Variants in POU6F2 observed in about 807,000 individuals in gnomAD.
The protein encoded by POU6F2 is POU domain, class 6, transcription factor 2.
POU6F2 carries 31 observed loss-of-function variants against 71.3 expected under a neutral mutation model. The observed-to-expected ratio is 0.43, with a 90% CI of 0.33 to 0.59. The LOEUF (loss-of-function observed/expected upper bound fraction) is 0.59. POU6F2 is among the 20% of genes least tolerant of loss of function. The probability of loss-of-function intolerance (pLI) is 0.04; values close to 1 mark genes in which losing one functional copy is unlikely to be tolerated. For missense variants in POU6F2, 783 were observed against 856.8 expected (o/e 0.91, Z 1.07); for synonymous variants, 347 against 355.7 (o/e 0.98, Z 0.27).
intron 5 of POU6F2, among the ~76,000 whole-genome samples, chr7:39,362,298 G>C (rs566288671): frequency 6.9e-6 from 1 of 145,558 alleles, no homozygotes; most frequent in East Asian, 2.0e-4. Context: ...AAAAAAAAAA[G>C]TGGGGAGGGG....
intron 5 of POU6F2, among the ~76,000 whole-genome samples, chr7:39,363,359 G>A (rs1448017245): frequency 6.6e-6 from 1 of 151,084 alleles, no homozygotes; most frequent in Admixed American, 6.6e-5. Context: ...GAGAAGAGAA[G>A]GTTTGTGCAC....
Position 39,257,590 on chromosome 7 carries a change from T to G in POU6F2, c.598+49970T>G, listed in dbSNP as rs540196994. On this transcript the variant is annotated intron_variant, in intron 4 of 9. Transcript: ENST00000518318. ...GTCAAAGGCACAAACTCGTGCTCCATATGTACCCACCCTGCTTTGTGAAGA... is the reference window on the plus strand; with the variant it reads ...GTCAAAGGCACAAACTCGTGCTCCAGATGTACCCACCCTGCTTTGTGAAGA... 5.9e-5 allele frequency among the ~76,000 whole-genome samples: 9 copies of G among 152,218 alleles called. 1 individual carries two copies. The South Asian group carries it at 1.2e-3, about 21-fold the overall frequency.
At chr7:39,232,489 G>A (rs1231779154) in intron 4 of POU6F2, among the ~76,000 whole-genome samples, 1 of 152,156 alleles carries the variant, frequency 6.6e-6, no homozygotes, top group African/African-American at 2.4e-5. Context: ...ATCACTCATG[G>A]TCACTAGGTT....
chr7:39,279,769 T>G (rs1016316350), intron 4 of POU6F2, among the ~76,000 whole-genome samples: 1 of 150,382 alleles, frequency 6.6e-6, no homozygotes, highest in African/African-American at 2.4e-5. Context: ...TATTTTGAGA[T>G]AGAGTTTCAC....
At chr7:39,223,345 T>C (rs1794404550) in intron 4 of POU6F2, among the ~76,000 whole-genome samples, 1 of 152,220 alleles carries the variant, frequency 6.6e-6, no homozygotes, top group African/African-American at 2.4e-5. Context: ...CAGTTGGATT[T>C]ACACTTTAGG....
chr7:38,981,253 C>T (rs1286745214), intron 1 of POU6F2, among the ~76,000 whole-genome samples: 1 of 152,118 alleles, frequency 6.6e-6, no homozygotes, highest in Non-Finnish European at 1.5e-5. Context: ...TCTCTTATGG[C>T]CATGTTTAGT....
At chr7:39,377,394 G>T (rs1437317575) in intron 5 of POU6F2, among the ~76,000 whole-genome samples, 1 of 152,084 alleles carries the variant, frequency 6.6e-6, no homozygotes, top group Non-Finnish European at 1.5e-5. Context: ...GCCTCCCAAA[G>T]TGCCGGGATT....
chr7:39,180,012 G>A (rs1266107348), intron 2 of POU6F2, among the ~76,000 whole-genome samples: 2 of 152,182 alleles, frequency 1.3e-5, no homozygotes. Context: ...ATAGAAAAGG[G>A]ATCAATAGTA....
chr7:39,320,708 A>G (rs901794142), intron 4 of POU6F2, among the ~76,000 whole-genome samples: 7 of 152,210 alleles, frequency 4.6e-5, no homozygotes, highest in Non-Finnish European at 1.0e-4. Flanking sequence ...TCCTATTTAT[A>G]CATACCTATA....
chr7:39,286,171 T>C (rs562978709), intron 4 of POU6F2, among the ~76,000 whole-genome samples: 5 of 152,226 alleles, frequency 3.3e-5, no homozygotes, highest in Admixed American at 3.3e-4. Context: ...GAAATAATGA[T>C]TTATACGGTC....
At chr7:39,429,131 A>C (rs199566355) in intron 6 of POU6F2, among the ~76,000 whole-genome samples, 1 of 141,020 alleles carries the variant, frequency 7.1e-6, no homozygotes, top group South Asian at 2.3e-4. Context: ...AAAAAAAAAA[A>C]CTCACTCATC....
At chr7:39,166,019 T>C (rs904799384) in intron 2 of POU6F2, among the ~76,000 whole-genome samples, 2 of 152,204 alleles carry the variant, frequency 1.3e-5, no homozygotes, top group Admixed American at 6.5e-5. Context: ...TTTAACATCA[T>C]CCCTGTCATT....
intron 8 of POU6F2, among the ~76,000 whole-genome samples, chr7:39,456,742 T>C (rs1233350583): frequency 2.0e-5 from 3 of 152,318 alleles, no homozygotes; most frequent in Admixed American, 6.5e-5. Context: ...CCTCTGGCAG[T>C]CAACAAATTT....
intron 7 of POU6F2, among the ~76,000 whole-genome samples, chr7:39,450,765 G>C (rs1037127293): frequency 6.6e-6 from 1 of 152,168 alleles, no homozygotes; most frequent in Non-Finnish European, 1.5e-5. Context: ...CGCACTTGCT[G>C]GCTGAACCTA....
At chr7:39,430,629 G>A (rs1788078232) in intron 6 of POU6F2, among the ~76,000 whole-genome samples, 1 of 152,198 alleles carries the variant, frequency 6.6e-6, no homozygotes, top group Admixed American at 6.5e-5. Context: ...ACAGGCTGGT[G>A]TCAATCTTCC....
intron 4 of POU6F2, among the ~76,000 whole-genome samples, chr7:39,311,657 C>T (rs1186125409): frequency 6.6e-6 from 1 of 152,128 alleles, no homozygotes. Flanking sequence ...AATGATCTAG[C>T]TATGTAGGTG....
In POU6F2 at chr7:39,406,485, G is replaced by A. The variant is rs1158217974; in HGVS notation, c.973-115G>A. 11 of 1,275,572 alleles carry A rather than the reference G, an allele frequency of 8.6e-6. No homozygotes were observed. In the East Asian group the frequency reaches 2.6e-4, roughly 30 times the overall value. The allele number at this position is 1,275,572 out of a possible 1,614,324, so 79.0% of individuals were successfully genotyped here. A position where few individuals can be genotyped will look rare whatever the true frequency, so the allele number is the denominator to read the frequency against. ...GCCACGCCCCTCCGGTGGGTTCCAGGCCCTTTGCATGAGCGAATTGAGGCG... is the reference window on the plus strand; with the variant it reads ...GCCACGCCCCTCCGGTGGGTTCCAGACCCTTTGCATGAGCGAATTGAGGCG... On this transcript the variant is annotated intron_variant, in intron 5 of 9. Transcript: ENST00000518318.
At position 39,027,309 on chromosome 7, in the gene POU6F2, G is replaced by C. The variant is rs79257197; in HGVS notation, c.105+49251G>C. On this transcript the variant is annotated intron_variant, in intron 1 of 9. Coordinates refer to ENST00000518318, the MANE Select transcript of POU6F2 (RefSeq NM_001370959.1). ...CCTCACCATTACTGTACATCAAGCA[G>C]GTGTTCTTTAAAAACACTCACTAGG... Among the ~76,000 whole-genome samples the C allele has an allele frequency of 4.0e-4, 61 of 152,252 alleles. No individual in the cohort carries two copies. The East Asian group carries it at 0.011, about 28-fold the overall frequency.
chr7:39,297,229 A>T (rs1164715107), intron 4 of POU6F2, among the ~76,000 whole-genome samples: 1 of 151,604 alleles, frequency 6.6e-6, no homozygotes, highest in Non-Finnish European at 1.5e-5. Context: ...ACACACACAC[A>T]CACACACATG....
Sources: allele counts gnomAD v4.1 joint callset (sites outside exome capture counted in the v4.1 genomes callset), GRCh38; gene constraint gnomAD v4.1.1; transcripts MANE v1.5; gene names NCBI Gene and HGNC (gene_info 2026-07-23, HGNC 2026-07-21).